Variants in NFAT5 observed in about 807,000 individuals in gnomAD.
NFAT5 encodes the protein nuclear factor of activated T-cells 5.
NFAT5 carries 31 observed loss-of-function variants against 166.5 expected under a neutral mutation model. The ratio of observed to expected loss-of-function variants is 0.19; its 90% CI spans 0.14 to 0.25. The LOEUF (loss-of-function observed/expected upper bound fraction) is 0.25, where lower values mean the gene tolerates loss of function less well. Among genes scored for constraint, NFAT5 ranks in the 10% least tolerant of loss-of-function variants. The pLI is 1.00. For missense variants in NFAT5, 1,449 were observed against 1,821.8 expected (o/e 0.80, Z 3.72); for synonymous variants, 612 against 639.7 (o/e 0.96, Z 0.65).
intron 1 of NFAT5, 119 bp from the exon 2 acceptor site, chr16:69,568,376 G>GTGTGTGTGTGTGTGTA (rs1163472084): frequency 4.5e-5 from 13 of 288,702 alleles, no homozygotes; most frequent in South Asian, 4.0e-4. Flanking sequence ...GTGTGTGTGT[G>GTGTGTGTGTGTGTGTA]TATATATATA....
Position 69,580,463 on chromosome 16 carries a change from G to A in NFAT5, c.127+11915G>A, listed in dbSNP as rs532823636. 2.6e-5 allele frequency among the ~76,000 whole-genome samples: 4 copies of A among 151,966 alleles called. No individual in the cohort carries two copies. In the South Asian group the frequency reaches 8.3e-4, roughly 32 times the overall value. ...GGAGAAATGCTTGAACCCAGGAGGT[G>A]GAGGTTGTGGTGAGCCAGGCTCTTG... is the stretch of plus-strand genomic sequence containing the variant. On this transcript the variant is annotated intron_variant, in intron 2 of 14. Transcript: ENST00000349945.
intron 2 of NFAT5, among the ~76,000 whole-genome samples, chr16:69,615,991 C>T (rs1052200410): frequency 9.9e-5 from 15 of 152,122 alleles, no homozygotes; most frequent in Admixed American, 2.6e-4. Context: ...TAGATAGCCT[C>T]CTATCTTGCT....
intron 2 of NFAT5, among the ~76,000 whole-genome samples, chr16:69,611,449 C>T (rs1194373605): frequency 6.6e-6 from 1 of 152,150 alleles, no homozygotes; most frequent in Non-Finnish European, 1.5e-5. Context: ...AAACTGGAGT[C>T]TCCTTTTCTC....
rs2035479989 is a variant in NFAT5 at position 69,647,307 on chromosome 16, A to G, written c.533A>G (p.Gln178Arg). 2 of 1,614,224 alleles carry G rather than the reference A, an allele frequency of 1.2e-6. No individual in the cohort carries two copies. Among genetic ancestry groups the G allele is most frequent in the South Asian group, 1.1e-5 (1 of 91,082 alleles). ...CTGGATAACAGTCGGATGTCCTGCC[A>G]GGATGAGGGGTGTGGATTGGAATCT... The part of the protein sequence containing the change: ...DLLDNSRMSC[Q>R]DEGCGLESEQ... Residue 178 changes from glutamine to arginine, a missense_variant, in exon 4 of 15, where the codon CAG becomes CGG. By Grantham distance (43) the Gln-to-Arg change is conservative. This residue lies in a region of NFAT5 where 115 missense variants were observed against 177.1 expected (regional missense o/e 0.65). Coordinates refer to ENST00000349945, the MANE Select transcript of NFAT5 (RefSeq NM_138713.4). The surrounding 1 kb of genome is among the most constrained non-coding windows in gnomAD (Gnocchi z 4.8).
intron 2 of NFAT5, among the ~76,000 whole-genome samples, chr16:69,583,617 T>C (rs2031843116): frequency 6.6e-6 from 1 of 152,174 alleles, no homozygotes; most frequent in South Asian, 2.1e-4. Context: ...GATCTAAAGC[T>C]GCAGTAAACA....
At position 69,692,077 on chromosome 16, in the gene NFAT5, A is replaced by G; in HGVS notation, c.2252A>G (p.Gln751Arg). ...QSDGTVVNLS[Q>R]LTEASQQQQQ... ...GATGGTACAGTGGTTAATTTGTCAC[A>G]ACTGACTGAGGCATCACAACAACAG... The change falls in exon 13 of 15, where the codon CAA (glutamine) becomes CGA (arginine). Residue 751 changes from glutamine (Q) to arginine (R), a missense_variant. Physicochemically the swap from Gln to Arg is conservative, Grantham distance 43 (BLOSUM62 1). Around this residue, in one of 7 missense-constraint regions of NFAT5, gnomAD observed 891 missense variants for 993.0 expected, o/e 0.90. Coordinates refer to ENST00000349945, the MANE Select transcript of NFAT5 (RefSeq NM_138713.4). 6.2e-7 allele frequency: 1 copy of G among 1,614,170 alleles called. No homozygotes were observed.
At position 69,567,786 on chromosome 16, in the gene NFAT5, CA is replaced by C. The variant is rs780380315; in HGVS notation, c.74-699del. On this transcript the variant is annotated intron_variant, in intron 1 of 14. Coordinates refer to ENST00000349945, the MANE Select transcript of NFAT5 (RefSeq NM_138713.4). ...TTAGAAATATTGTAGTTTTGAATGT[CA>C]AAAAAAAAAGAGACATATCAAGAGA... 5.6e-4 allele frequency among the ~76,000 whole-genome samples: 80 copies of C among 143,106 alleles called. 1 individual carries two copies. The highest frequency in any genetic ancestry group is 4.3e-3 in the Admixed American group (62 of 14,362). 93.9% of individuals were successfully genotyped at this position (143,106 alleles called of 152,430 possible).
intron 7 of NFAT5, among the ~76,000 whole-genome samples, chr16:69,663,687 T>C (rs924905405): frequency 1.3e-5 from 2 of 149,448 alleles, no homozygotes; most frequent in Non-Finnish European, 3.0e-5. Flanking sequence ...CTGGACAACA[T>C]AGCAAGAGTC....
chr16:69,597,419 A>G (rs2032860314), intron 2 of NFAT5, among the ~76,000 whole-genome samples: 1 of 152,148 alleles, frequency 6.6e-6, no homozygotes, highest in Non-Finnish European at 1.5e-5. Context: ...AGGGCACATT[A>G]TCCTAAAAGT....
intron 9 of NFAT5, among the ~76,000 whole-genome samples, chr16:69,672,002 G>A (rs1031862418): frequency 2.0e-5 from 3 of 152,146 alleles, no homozygotes; most frequent in Non-Finnish European, 2.9e-5. Context: ...ACTATCCAGC[G>A]ACCAAAGCTC....
chr16:69,613,946 C>T (rs2033819138), intron 2 of NFAT5, among the ~76,000 whole-genome samples: 1 of 152,152 alleles, frequency 6.6e-6, no homozygotes, highest in Non-Finnish European at 1.5e-5. Flanking sequence ...AAATACTTAG[C>T]CCCTGTGACT....
chr16:69,598,230 T>A (rs949032248), intron 2 of NFAT5, among the ~76,000 whole-genome samples: 1 of 151,646 alleles, frequency 6.6e-6, no homozygotes, highest in Non-Finnish European at 1.5e-5. Context: ...AATAAAAAAT[T>A]AGCCTGGCAT....
intron 10 of NFAT5, among the ~76,000 whole-genome samples, chr16:69,683,493 T>C (rs911640819): frequency 3.3e-5 from 5 of 152,198 alleles, no homozygotes; most frequent in Non-Finnish European, 7.3e-5. Flanking sequence ...ATCACGCCAC[T>C]GCACTTCAGC....
At chr16:69,659,006 A>G (rs2036009827) in intron 6 of NFAT5, among the ~76,000 whole-genome samples, 1 of 152,198 alleles carries the variant, frequency 6.6e-6, no homozygotes, top group Non-Finnish European at 1.5e-5. Context: ...ATGTGGTAAC[A>G]TACTTTTTAG....
chr16:69,609,504 G>C (rs1484953858), intron 2 of NFAT5, among the ~76,000 whole-genome samples: 1 of 152,220 alleles, frequency 6.6e-6, no homozygotes, highest in African/African-American at 2.4e-5. Context: ...TGTACGGAAA[G>C]TAAGGGAAAC....
rs2037674703 is a variant in NFAT5 at position 69,694,149 on chromosome 16, A to C, written c.4324A>C (p.Asn1442His). 2.4e-5 allele frequency: 39 copies of C among 1,614,240 alleles called. No homozygotes were observed. The East Asian group carries it at 8.7e-4, about 36-fold the overall frequency. ...SPQPQATLFH[N>H]TAGGTMNQLQ... Reference sequence around the variant, plus strand: ...TCAACCACAGGCTACTTTATTTCACAACACAGCAGGAGGCACAATGAACCA... The same window carrying C: ...TCAACCACAGGCTACTTTATTTCACCACACAGCAGGAGGCACAATGAACCA... Residue 1442 changes from asparagine to histidine, a missense_variant, in exon 13 of 15, where the codon AAC becomes CAC. Around this residue, in one of 7 missense-constraint regions of NFAT5, gnomAD observed 891 missense variants for 993.0 expected, o/e 0.90. Transcript: ENST00000349945.
chr16:69,666,350 C>T (rs2036378211), intron 7 of NFAT5, among the ~76,000 whole-genome samples: 1 of 151,978 alleles, frequency 6.6e-6, no homozygotes, highest in Admixed American at 6.6e-5. Context: ...AGCTTCTGCA[C>T]AGCAAAAGAA....
Position 69,692,975 on chromosome 16 carries a change from T to C in NFAT5, c.3150T>C (p.Ser1050=), listed in dbSNP as rs1300102734. The C allele has an allele frequency of 6.2e-6, 10 of 1,614,074 alleles. No homozygotes were observed. Among genetic ancestry groups the C allele is most frequent in the Non-Finnish European group, 8.5e-6 (10 of 1,180,028 alleles). Reference sequence around the variant, plus strand: ...TTTCATCCACAAAAAGTATGATGAGTGTTCAGAATAGTGGTACCCAACAAC... The same window carrying C: ...TTTCATCCACAAAAAGTATGATGAGCGTTCAGAATAGTGGTACCCAACAAC... The part of the protein sequence containing the change: ...NLFSSTKSMM[S]VQNSGTQQQG... The change falls in exon 13 of 15, where the codon AGT becomes AGC. Residue 1050 remains serine (S), a synonymous_variant. Transcript: ENST00000349945.
Position 69,566,394 on chromosome 16 carries a change from G to C in NFAT5, c.73+20G>C. ...CGCGAGGTGAGTCAGGCTGTGGGGGGTGGGGCGTGGGGGCGGGGAGACAGG... is the reference window on the plus strand; with the variant it reads ...CGCGAGGTGAGTCAGGCTGTGGGGGCTGGGGCGTGGGGGCGGGGAGACAGG... On this transcript the variant is annotated intron_variant, in intron 1 of 14. Transcript: ENST00000349945. The surrounding 1 kb of genome is among the most constrained non-coding windows in gnomAD (Gnocchi z 5.7). 1 of 1,529,274 alleles carries C rather than the reference G, an allele frequency of 6.5e-7. No individual in the cohort carries two copies. Among genetic ancestry groups the C allele is most frequent in the Non-Finnish European group, 8.9e-7 (1 of 1,118,820 alleles). 94.7% of individuals were successfully genotyped at this position (1,529,274 alleles called of 1,614,324 possible).
Sources: allele counts gnomAD v4.1 joint callset (sites outside exome capture counted in the v4.1 genomes callset), GRCh38; gene constraint gnomAD v4.1.1; regional missense constraint gnomAD v4.1.1; non-coding constraint Gnocchi (gnomAD v3.1); transcripts MANE v1.5; gene names NCBI Gene and HGNC (gene_info 2026-07-23, HGNC 2026-07-21).